Variants in ANKRD44 observed in about 807,000 individuals in gnomAD.
The protein encoded by ANKRD44 is serine/threonine-protein phosphatase 6 regulatory ankyrin repeat subunit B.
Under a neutral mutation model 116.0 loss-of-function variants are expected in ANKRD44, and 35 were observed. The observed-to-expected ratio is 0.30, with a 90% confidence interval of 0.23 to 0.40. The LOEUF (loss-of-function observed/expected upper bound fraction) is 0.40. ANKRD44 is among the 10% of genes least tolerant of loss of function. ANKRD44 has a pLI of 1.00. For missense variants in ANKRD44, 1,014 were observed against 1,242.6 expected (o/e 0.82, Z 2.77); for synonymous variants, 435 against 461.8 (o/e 0.94, Z 0.74).
Position 197,282,260 on chromosome 2 carries a change from T to A in ANKRD44, c.27+28318A>T, listed in dbSNP as rs546588661. On this transcript the variant is annotated intron_variant, in intron 1 of 27. Transcript: ENST00000282272. ...ACAGCAAGACTCTGTCTCAAAAAAATATATATATATAGTAACTACAGTGTC... is the reference window on the plus strand; with the variant it reads ...ACAGCAAGACTCTGTCTCAAAAAAAAATATATATATAGTAACTACAGTGTC... Among the ~76,000 whole-genome samples, 310 of 151,610 alleles carry A rather than the reference T, an allele frequency of 2.0e-3. 1 individual carries two copies. The highest frequency in any genetic ancestry group is 0.014 in the Middle Eastern group (4 of 292).
intron 4 of ANKRD44, among the ~76,000 whole-genome samples, chr2:197,131,238 C>A (rs1267019981): frequency 1.3e-5 from 2 of 148,378 alleles, no homozygotes; most frequent in African/African-American, 5.0e-5. Flanking sequence ...GTCGCCCAGG[C>A]TGGAGTGCAG....
intron 5 of ANKRD44, 106 bp downstream of exon 5, chr2:197,125,731 A>G: frequency 7.7e-7 from 1 of 1,306,884 alleles, no homozygotes; most frequent in Non-Finnish European, 1.1e-6. Context: ...TTGGTGTACA[A>G]ATATTTTCAT....
chr2:197,175,734 C>T (rs921707311), intron 2 of ANKRD44, among the ~76,000 whole-genome samples: 1 of 152,160 alleles, frequency 6.6e-6, no homozygotes, highest in African/African-American at 2.4e-5. Flanking sequence ...AGTGCTACAT[C>T]TGTAAGAAGT....
At chr2:197,108,603 C>T (rs1291459763) in intron 9 of ANKRD44, among the ~76,000 whole-genome samples, 1 of 152,098 alleles carries the variant, frequency 6.6e-6, no homozygotes, top group African/African-American at 2.4e-5. Context: ...TTTTGGGAGG[C>T]CAAGGTGGAC....
At chr2:197,302,940 T>C (rs541924874) in intron 1 of ANKRD44, among the ~76,000 whole-genome samples, 1 of 152,316 alleles carries the variant, frequency 6.6e-6, no homozygotes, top group South Asian at 2.1e-4. Flanking sequence ...AAGGCTAAGG[T>C]GGGCCCCAGC....
chr2:197,068,723 A>C (rs578018097), intron 16 of ANKRD44, among the ~76,000 whole-genome samples: 1,677 of 152,340 alleles, frequency 0.011, 40 homozygotes, highest in African/African-American at 0.038. Context: ...TGGCCATCAG[A>C]GAAATGCAAA....
At chr2:197,302,307 T>A (rs1373608583) in intron 1 of ANKRD44, 1 of 151,960 alleles carries the variant, frequency 6.6e-6, no homozygotes, top group Non-Finnish European at 1.5e-5. Context: ...ACGTTGAGAG[T>A]AGAGTGCAGG....
chr2:197,057,575 T>C (rs549205675), intron 16 of ANKRD44, among the ~76,000 whole-genome samples: 1 of 152,352 alleles, frequency 6.6e-6, no homozygotes, highest in South Asian at 2.1e-4. Context: ...TCTTTTTGCT[T>C]CTACCTAAAA....
At position 197,139,897 on chromosome 2, in the gene ANKRD44, T is replaced by TGTGA. The variant is rs1434883595; in HGVS notation, c.191-3236_191-3235insTCAC. On this transcript the variant is annotated intron_variant, in intron 3 of 27. Transcript: ENST00000282272. ...GTGTGTGTGTGTGTGTGTGTGTGTGTGAAACGGAGTCTTGCTCTGTCACCC... is the reference window on the plus strand; with the variant it reads ...GTGTGTGTGTGTGTGTGTGTGTGTGTGTGAGAAACGGAGTCTTGCTCTGTCACCC... 7.1e-3 allele frequency among the ~76,000 whole-genome samples: 933 copies of TGTGA among 131,386 alleles called. 14 individuals are homozygous for TGTGA. The highest frequency in any genetic ancestry group is 0.024 in the African/African-American group (867 of 35,498). 86.2% of individuals were successfully genotyped at this position (131,386 alleles called of 152,430 possible). A position where few individuals can be genotyped will look rare whatever the true frequency, so the allele number is the denominator to read the frequency against.
intron 10 of ANKRD44, among the ~76,000 whole-genome samples, chr2:197,095,078 A>G (rs1279601196): frequency 1.3e-5 from 2 of 152,178 alleles, no homozygotes; most frequent in African/African-American, 4.8e-5. Flanking sequence ...TTCTCCAACT[A>G]ATCAGTGCAT....
intron 3 of ANKRD44, among the ~76,000 whole-genome samples, chr2:197,138,190 G>T (rs1328496849): frequency 6.6e-6 from 1 of 152,136 alleles, no homozygotes; most frequent in Admixed American, 6.5e-5. Flanking sequence ...AAATTGCAAG[G>T]CACTAGAAAA....
intron 17 of ANKRD44, among the ~76,000 whole-genome samples, chr2:197,018,683 T>C (rs1474971973): frequency 6.6e-6 from 1 of 152,244 alleles, no homozygotes; most frequent in African/African-American, 2.4e-5. Flanking sequence ...GGGTTGTTCC[T>C]GCTGTATTCT....
intron 15 of ANKRD44, among the ~76,000 whole-genome samples, chr2:197,081,029 C>T (rs977292130): frequency 3.3e-5 from 5 of 152,156 alleles, no homozygotes; most frequent in African/African-American, 9.7e-5. Context: ...ACTCAGAGGA[C>T]GAAGCTGTAG....
rs201770138 is a variant in ANKRD44 at position 197,136,544 on chromosome 2, C to A, written c.261+48G>T. On this transcript the variant is annotated intron_variant, in intron 4 of 27. Coordinates refer to ENST00000282272, the MANE Select transcript of ANKRD44 (RefSeq NM_001195144.2). ...TCTTAATTCGCTAGCAAGACTTTTT[C>A]TTTTTCTAGGCACAGTAGGTATTAG... is the stretch of plus-strand genomic sequence containing the variant. 2.0e-3 allele frequency: 3,139 copies of A among 1,559,990 alleles called. 6 individuals carry two copies. Among genetic ancestry groups the A allele is most frequent in the Non-Finnish European group, 2.5e-3 (2,812 of 1,131,652 alleles).
chr2:197,190,830 T>C (rs1487582270), intron 1 of ANKRD44, among the ~76,000 whole-genome samples: 1 of 152,236 alleles, frequency 6.6e-6, no homozygotes, highest in Non-Finnish European at 1.5e-5. Context: ...AGCAAAGTCC[T>C]ACCTGCACAA....
intron 16 of ANKRD44, among the ~76,000 whole-genome samples, chr2:197,059,500 C>A (rs926756106): frequency 2.0e-5 from 3 of 152,160 alleles, no homozygotes; most frequent in Non-Finnish European, 4.4e-5. Flanking sequence ...TGTTGGGATT[C>A]TGAAACACTA....
intron 1 of ANKRD44, among the ~76,000 whole-genome samples, chr2:197,301,759 T>C (rs1240917695): frequency 6.6e-6 from 1 of 152,250 alleles, no homozygotes; most frequent in Non-Finnish European, 1.5e-5. Context: ...ACTATGCACC[T>C]TACCCTGTTT....
In ANKRD44 at chr2:197,160,918, A is replaced by T. The variant is rs575164343; in HGVS notation, c.112-13813T>A. ...TGTCAGGAAAATTCTGCAGGCCAAGACTCCTATGTTATCAATAGAAGCCCC... is the reference window on the plus strand; with the variant it reads ...TGTCAGGAAAATTCTGCAGGCCAAGTCTCCTATGTTATCAATAGAAGCCCC... On this transcript the variant is annotated intron_variant, in intron 2 of 27. Transcript: ENST00000282272. Among the ~76,000 whole-genome samples the T allele has an allele frequency of 4.6e-4, 70 of 152,112 alleles. 1 individual carries two copies. Among genetic ancestry groups the T allele is most frequent in the African/African-American group, 1.5e-3 (61 of 41,456 alleles).
intron 1 of ANKRD44, among the ~76,000 whole-genome samples, chr2:197,214,961 T>G (rs1410574061): frequency 1.3e-5 from 2 of 152,172 alleles, no homozygotes. Context: ...CACTACAACC[T>G]CTGCCTCCAG....
Sources: allele counts gnomAD v4.1 joint callset (sites outside exome capture counted in the v4.1 genomes callset), GRCh38; gene constraint gnomAD v4.1.1; transcripts MANE v1.5; gene names NCBI Gene and HGNC (gene_info 2026-07-23, HGNC 2026-07-21).